IL1RAPL1: variants seen among roughly 807,000 people sequenced by gnomAD.
IL1RAPL1 encodes the protein interleukin-1 receptor accessory protein-like 1.
Under a neutral mutation model 48.4 loss-of-function variants are expected in IL1RAPL1, and 3 were observed. The ratio of observed to expected loss-of-function variants is 0.06; its 90% confidence interval spans 0.03 to 0.16. The LOEUF (loss-of-function observed/expected upper bound fraction) is 0.16. Among genes scored for constraint, IL1RAPL1 ranks in the 10% least tolerant of loss-of-function variants. IL1RAPL1 has a pLI of 1.00. For synonymous variants in IL1RAPL1, 185 were observed against 187.7 expected (o/e 0.99, Z 0.12); for missense variants, 349 against 530.6 (o/e 0.66, Z 3.36).
intron 6 of IL1RAPL1, among the ~76,000 whole-genome samples, chrX:29,838,055 C>G (rs1383503799): frequency 9.0e-6 from 1 of 111,613 alleles, no homozygotes; most frequent in Non-Finnish European, 1.9e-5. Context: ...TAGGGGCCAA[C>G]AATAGTAATT....
chrX:29,419,151 T>G (rs987112990), intron 5 of IL1RAPL1, among the ~76,000 whole-genome samples: 21 of 111,700 alleles, frequency 1.9e-4, no homozygotes, highest in African/African-American at 6.8e-4. Context: ...TAGTTTGAGA[T>G]GCACTCTTCT....
At chrX:29,767,210 C>T (rs1171881057) in intron 6 of IL1RAPL1, among the ~76,000 whole-genome samples, 1 of 112,116 alleles carries the variant, frequency 8.9e-6, no homozygotes, top group Admixed American at 9.5e-5. Flanking sequence ...CCTGAAGAAG[C>T]ATGTATTTAT....
At chrX:29,484,864 A>G (rs1935080498) in intron 5 of IL1RAPL1, among the ~76,000 whole-genome samples, 1 of 111,889 alleles carries the variant, frequency 8.9e-6, no homozygotes, top group African/African-American at 3.3e-5. Context: ...AAGAGAGAGT[A>G]AACAATGGGG....
intron 1 of IL1RAPL1, among the ~76,000 whole-genome samples, chrX:28,768,755 CTATATATATATATATA>C (rs1207885215): frequency 2.9e-5 from 1 of 34,873 alleles, no homozygotes; most frequent in Non-Finnish European, 4.8e-5. Context: ...CTCTCTCTCT[CTATATATATATATATA>C]TATATATACA....
intron 7 of IL1RAPL1, 136 bp downstream of exon 7, chrX:29,917,732 AG>A: frequency 2.0e-6 from 1 of 493,690 alleles, no homozygotes. Flanking sequence ...ATGATAAAGA[AG>A]CAAAACACTG....
intron 2 of IL1RAPL1, among the ~76,000 whole-genome samples, chrX:28,814,342 TG>T (rs1456487392): frequency 5.4e-3 from 108 of 20,083 alleles, no homozygotes; most frequent in African/African-American, 0.039. Flanking sequence ...TTTTCAGGTT[TG>T]TGTGTGTGTG....
chrX:29,791,997 C>T (rs1257312310), intron 6 of IL1RAPL1, among the ~76,000 whole-genome samples: 1 of 111,122 alleles, frequency 9.0e-6, no homozygotes, highest in African/African-American at 3.3e-5. Flanking sequence ...TCCCAAAGTG[C>T]TGAGATTACA....
chrX:29,853,548 T>C (rs1931418561), intron 6 of IL1RAPL1, among the ~76,000 whole-genome samples: 1 of 111,326 alleles, frequency 9.0e-6, no homozygotes, highest in Admixed American at 9.6e-5. Flanking sequence ...TCTGATGCTT[T>C]TTTTTTCTTT....
At chrX:29,660,908 A>G (rs1301648643) in intron 5 of IL1RAPL1, among the ~76,000 whole-genome samples, 3 of 112,051 alleles carry the variant, frequency 2.7e-5, no homozygotes, top group Non-Finnish European at 5.6e-5. Context: ...TGAATCTGTC[A>G]ATTGCTTTGG....
intron 2 of IL1RAPL1, among the ~76,000 whole-genome samples, chrX:29,052,408 C>A (rs1304961771): frequency 9.0e-6 from 1 of 111,469 alleles, no homozygotes; most frequent in Admixed American, 9.6e-5. Flanking sequence ...TTAAAGCCAC[C>A]ATCTTCACAT....
Position 29,837,270 on chromosome X carries a change from A to G in IL1RAPL1, c.779-80194A>G, listed in dbSNP as rs866950857. Reference sequence around the variant, plus strand: ...AGAGACTGCATCTCAAAAAAAAAAAAAAATATATATATATATATATATATA... The same window carrying G: ...AGAGACTGCATCTCAAAAAAAAAAAGAAATATATATATATATATATATATA... On this transcript the variant is annotated intron_variant, in intron 6 of 10. Transcript: ENST00000378993. Among the ~76,000 whole-genome samples, 3 of 51,349 alleles carry G rather than the reference A, an allele frequency of 5.8e-5. No individual in the cohort carries two copies. The South Asian group carries it at 2.6e-3, about 44-fold the overall frequency. 44.6% of individuals were successfully genotyped at this position (51,349 alleles called of 115,157 possible).
chrX:29,679,577 A>G (rs1926388636), intron 6 of IL1RAPL1, among the ~76,000 whole-genome samples: 1 of 111,989 alleles, frequency 8.9e-6, no homozygotes, highest in African/African-American at 3.2e-5. Context: ...CTTAGGCATA[A>G]ATATAATTTG....
At chrX:29,579,946 T>A (rs1045042944) in intron 5 of IL1RAPL1, among the ~76,000 whole-genome samples, 1 of 111,525 alleles carries the variant, frequency 9.0e-6, no homozygotes. Context: ...ACAGATTTGC[T>A]CTCATGAATT....
chrX:29,057,654 CT>C (rs892731212), intron 2 of IL1RAPL1, among the ~76,000 whole-genome samples: 12 of 111,019 alleles, frequency 1.1e-4, no homozygotes, highest in Admixed American at 2.9e-4. Context: ...GTCTCGAACT[CT>C]TGACCCCAGG....
chrX:29,825,645 T>A (rs982578680), intron 6 of IL1RAPL1, among the ~76,000 whole-genome samples: 3 of 112,046 alleles, frequency 2.7e-5, no homozygotes, highest in Admixed American at 9.5e-5. Flanking sequence ...AACTGGATAA[T>A]AAGTAGTTTA....
chrX:28,964,802 C>T (rs1924879466), intron 2 of IL1RAPL1, among the ~76,000 whole-genome samples: 1 of 111,552 alleles, frequency 9.0e-6, no homozygotes, highest in Non-Finnish European at 1.9e-5. Flanking sequence ...AGCAAGTAGT[C>T]TTGAAATAAT....
At position 29,252,283 on chromosome X, in the gene IL1RAPL1, G is replaced by GAAAAAAA. The variant is rs1177070111; in HGVS notation, c.83-30650_83-30644dup. Among the ~76,000 whole-genome samples the GAAAAAAA allele has an allele frequency of 2.8e-3, 82 of 28,926 alleles. 1 individual carries two copies. The highest frequency in any genetic ancestry group is 4.9e-3 in the African/African-American group (81 of 16,582). 25.1% of individuals were successfully genotyped at this position (28,926 alleles called of 115,157 possible). A position where few individuals can be genotyped will look rare whatever the true frequency, so the allele number is the denominator to read the frequency against. On this transcript the variant is annotated intron_variant, in intron 2 of 10. Transcript: ENST00000378993. ...AGTACAATAATAGTAAAAGAAAAAA[G>GAAAAAAA]AAAAAAAAAAAGAAAATCAGGGCCA...
At chrX:28,688,103 C>CAA (rs55752146) in intron 1 of IL1RAPL1, among the ~76,000 whole-genome samples, 80 of 49,929 alleles carry the variant, frequency 1.6e-3, no homozygotes, top group African/African-American at 5.5e-3. Context: ...GACTCTGTCT[C>CAA]AAAAAAAAAA....
chrX:29,929,635 C>T (rs1047181536), intron 8 of IL1RAPL1, among the ~76,000 whole-genome samples: 3 of 111,466 alleles, frequency 2.7e-5, no homozygotes, highest in South Asian at 3.7e-4. Context: ...CAATTCCTTA[C>T]GACATGCAAC....
Sources: gnomAD v4.1 joint callset for allele counts (sites outside exome capture counted in the v4.1 genomes callset) on GRCh38, gnomAD v4.1.1 for gene constraint, MANE v1.5 for transcripts, NCBI Gene and HGNC (gene_info 2026-07-23, HGNC 2026-07-21) for gene names.